The following ZNF317 variants were observed in gnomAD, a reference collection of about 807,000 sequenced individuals.
The protein encoded by ZNF317 is KRAB-containing zinc finger protein 317.
A neutral mutation model predicts 23.4 loss-of-function variants in ZNF317; 17 were observed. That is an observed-to-expected ratio of 0.73 (90% CI 0.50 to 1.09). ZNF317 has a LOEUF of 1.09. Ranked by LOEUF, ZNF317 falls within the 50% of genes least tolerant of loss-of-function variation. The pLI, the probability that ZNF317 is intolerant of heterozygous loss-of-function variation, is 0.00. For synonymous variants in ZNF317, 317 were observed against 314.9 expected, an observed-to-expected ratio of 1.01 and a Z score of -0.07; for missense variants, 679 against 796.7, an observed-to-expected ratio of 0.85 and a Z score of 1.78.
Position 9,160,047 on chromosome 19 carries a change from G to C in ZNF317, c.469-67G>C, listed in dbSNP as rs2050829449. The C allele has an allele frequency of 6.3e-7, 1 of 1,593,038 alleles. No homozygotes were observed. The highest frequency in any genetic ancestry group is 8.6e-7 in the Non-Finnish European group (1 of 1,168,160). The stretch of plus-strand genomic sequence containing the variant: ...TATCTGTTCATAGCAGTGTATGTGG[G>C]GATGACGCTTAGGGTTGCAATGAAT... On this transcript the variant is annotated intron_variant, in intron 6 of 6. Coordinates refer to ENST00000247956, the MANE Select transcript of ZNF317 (RefSeq NM_020933.5). The surrounding 1 kb of genome is among the most constrained non-coding windows in gnomAD (Gnocchi z 6.8).
chr19:9,141,335 C>T (rs928030022), intron 1 of ZNF317, among the ~76,000 whole-genome samples: 3 of 152,104 alleles, frequency 2.0e-5, no homozygotes, highest in Non-Finnish European at 4.4e-5. Flanking sequence ...ATTTACAAAC[C>T]AGGCCAAGAA....
At chr19:9,150,327 G>C (rs186743409) in intron 1 of ZNF317, among the ~76,000 whole-genome samples, 10 of 152,324 alleles carry the variant, frequency 6.6e-5, no homozygotes, top group Non-Finnish European at 1.3e-4. Flanking sequence ...TTTGTTTACT[G>C]AGCCTATAGA....
In ZNF317 at chr19:9,160,626, G is replaced by C. The variant is rs780252470; in HGVS notation, c.981G>C (p.Thr327=). ...RSCHLIAHKR[T]HTGERPYECH... ...GCCACCTCATCGCACACAAGAGAACGCACACCGGAGAGAGGCCCTACGAGT... is the reference window on the plus strand; with the variant it reads ...GCCACCTCATCGCACACAAGAGAACCCACACCGGAGAGAGGCCCTACGAGT... Residue 327 remains threonine (T), a synonymous_variant, in exon 7 of 7, where the codon ACG becomes ACC. Transcript: ENST00000247956. This position sits in a 1 kb window ranked among gnomAD's most constrained non-coding sequence, Gnocchi z 6.8. 12 of 1,613,608 alleles carry C rather than the reference G, an allele frequency of 7.4e-6. No homozygotes were observed. Among genetic ancestry groups the C allele is most frequent in the Non-Finnish European group, 1.0e-5 (12 of 1,179,954 alleles).
intron 1 of ZNF317, among the ~76,000 whole-genome samples, chr19:9,149,397 G>A (rs755421990): frequency 1.3e-4 from 20 of 151,956 alleles, no homozygotes; most frequent in South Asian, 2.1e-4. Flanking sequence ...ACTTGAACCC[G>A]GGAGGCGCAG....
At position 9,158,073 on chromosome 19, in the gene ZNF317, C is replaced by A. The variant is rs1296521183; in HGVS notation, c.383C>A (p.Ala128Glu). Reference protein sequence around the residue: ...EERGAHQGACADWETPSKTKW... With the variant: ...EERGAHQGACEDWETPSKTKW... ...AGGGGCGCTCACCAGGGCGCTTGTG[C>A]AGGTGAGCGAGCCCCAGGCAAAGAG... Residue 128 changes from alanine to glutamate, a missense_variant and splice_region_variant, in exon 5 of 7, where the codon GCA (alanine) becomes GAA (glutamate). Coordinates refer to ENST00000247956, the MANE Select transcript of ZNF317 (RefSeq NM_020933.5). The A allele has an allele frequency of 6.5e-7, 1 of 1,549,948 alleles. No individual in the cohort carries two copies.
chr19:9,153,868 G>C (rs1436600374), intron 1 of ZNF317, among the ~76,000 whole-genome samples: 4 of 152,172 alleles, frequency 2.6e-5, no homozygotes. Flanking sequence ...GATGGTAGTG[G>C]ATGCTGGGTG....
rs918779769 is a variant in ZNF317 at position 9,144,024 on chromosome 19, C to T, written c.-93+3432C>T. ...CTTTCTTTCTTTCTTTTTTTTGAGA[C>T]GGAGTTTCACTCTTTTTGCCCAGGC... On this transcript the variant is annotated intron_variant, in intron 1 of 6. Coordinates refer to ENST00000247956, the MANE Select transcript of ZNF317 (RefSeq NM_020933.5). Among the ~76,000 whole-genome samples, 38 of 144,022 alleles carry T rather than the reference C, an allele frequency of 2.6e-4. 1 individual carries two copies. The highest frequency in any genetic ancestry group is 1.1e-3 in the Admixed American group (16 of 13,964). The allele number at this position is 144,022 out of a possible 152,430, so 94.5% of individuals were successfully genotyped here.
At position 9,158,363 on chromosome 19, in the gene ZNF317, C is replaced by CTTTTTTTTTTTTTTTTTTT. The variant is rs200591339; in HGVS notation, c.385+298_385+316dup. Reference sequence around the variant, plus strand: ...CTGAATTGCCTTAAATTTCTTTTTTCTTTTTTTTTTTTTTTTTTTTTTTTT... The same window carrying CTTTTTTTTTTTTTTTTTTT: ...CTGAATTGCCTTAAATTTCTTTTTTCTTTTTTTTTTTTTTTTTTTTTTTTTTTTTTTTTTTTTTTTTTTT... On this transcript the variant is annotated intron_variant, in intron 5 of 6. Coordinates refer to ENST00000247956, the MANE Select transcript of ZNF317 (RefSeq NM_020933.5). Among the ~76,000 whole-genome samples the CTTTTTTTTTTTTTTTTTTT allele has an allele frequency of 3.5e-3, 267 of 76,534 alleles. 72 individuals are homozygous for CTTTTTTTTTTTTTTTTTTT. Among genetic ancestry groups the CTTTTTTTTTTTTTTTTTTT allele is most frequent in the African/African-American group, 0.011 (176 of 15,674 alleles). 50.2% of individuals were successfully genotyped at this position (76,534 alleles called of 152,430 possible).
intron 1 of ZNF317, among the ~76,000 whole-genome samples, chr19:9,153,424 A>G (rs1344078122): frequency 2.0e-5 from 3 of 152,120 alleles, no homozygotes; most frequent in Admixed American, 2.0e-4. Flanking sequence ...TGGTCTCCCA[A>G]AGTGCTGGGA....
In ZNF317 at chr19:9,161,259, C is replaced by T; in HGVS notation, c.1614C>T (p.Ala538=). The T allele has an allele frequency of 6.2e-7, 1 of 1,613,818 alleles. No individual in the cohort carries two copies. The highest frequency in any genetic ancestry group is 8.5e-7 in the Non-Finnish European group (1 of 1,179,780). The part of the protein sequence containing the change: ...KPYECDHCGK[A]FSIGSNLNVH... ...ACGAATGCGATCACTGTGGGAAGGC[C>T]TTCAGCATAGGCTCCAACCTGAATG... Residue 538 remains alanine, a synonymous_variant, in exon 7 of 7, where the codon GCC becomes GCT. Coordinates refer to ENST00000247956, the MANE Select transcript of ZNF317 (RefSeq NM_020933.5). This position sits in a 1 kb window ranked among gnomAD's most constrained non-coding sequence, Gnocchi z 4.0.
intron 1 of ZNF317, among the ~76,000 whole-genome samples, chr19:9,153,148 T>TTTTTTTG (rs1435101178): frequency 1.4e-5 from 2 of 143,992 alleles, no homozygotes; most frequent in African/African-American, 5.0e-5. Context: ...AGGTAGTTGT[T>TTTTTTTG]TTTGTTTGTT....
intron 1 of ZNF317, among the ~76,000 whole-genome samples, chr19:9,140,986 T>C (rs1191739395): frequency 6.6e-6 from 1 of 152,200 alleles, no homozygotes; most frequent in Non-Finnish European, 1.5e-5. Context: ...GTCAGCACAT[T>C]GGTGTTCTTA....
In ZNF317 at chr19:9,160,347, C is replaced by T. The variant is rs776283077; in HGVS notation, c.702C>T (p.Ser234=). 2.4e-5 allele frequency: 39 copies of T among 1,614,034 alleles called. No individual in the cohort carries two copies. In the South Asian group the frequency reaches 3.6e-4, roughly 15 times the overall value. Residue 234 remains serine (S), a synonymous_variant, in exon 7 of 7, where the codon AGC becomes AGT. Transcript: ENST00000247956. The surrounding 1 kb of genome is among the most constrained non-coding windows in gnomAD (Gnocchi z 6.8). Reference sequence around the variant, plus strand: ...AGTGCCAAAAAGCCTTCACCACGAGCGCGTCCCTCACACGGCACAGGAGAA... The same window carrying T: ...AGTGCCAAAAAGCCTTCACCACGAGTGCGTCCCTCACACGGCACAGGAGAA... The part of the protein sequence containing the change: ...CHQCQKAFTT[S]ASLTRHRRIH...
intron 1 of ZNF317, among the ~76,000 whole-genome samples, chr19:9,145,539 C>T (rs567028676): frequency 1.3e-5 from 2 of 152,194 alleles, no homozygotes; most frequent in Non-Finnish European, 2.9e-5. Flanking sequence ...GTCTTTTTCT[C>T]CTCTGGCTGC....
At chr19:9,149,244 C>G (rs1176785808) in intron 1 of ZNF317, among the ~76,000 whole-genome samples, 1 of 152,048 alleles carries the variant, frequency 6.6e-6, no homozygotes, top group South Asian at 2.1e-4. Context: ...GTGGCCAAGG[C>G]GGGTGGATCA....
intron 3 of ZNF317, 96 bp downstream of exon 3, chr19:9,156,844 C>T: frequency 1.4e-6 from 2 of 1,436,060 alleles, no homozygotes; most frequent in Non-Finnish European, 1.9e-6. Context: ...TCATCTCAGC[C>T]AGTGGATGCC....
intron 6 of ZNF317, 117 bp downstream of exon 6, chr19:9,159,025 T>G (rs2050819035): frequency 1.4e-6 from 1 of 690,880 alleles, no homozygotes; most frequent in African/African-American, 1.8e-5. Context: ...GAGGAGACTG[T>G]GTTTCAGAGA....
At chr19:9,156,298 A>T (rs2050782053) in intron 2 of ZNF317, among the ~76,000 whole-genome samples, 1 of 152,022 alleles carries the variant, frequency 6.6e-6, no homozygotes, top group Non-Finnish European at 1.5e-5. Flanking sequence ...GAGTTATCTC[A>T]TTTATTATTT....
chr19:9,157,167 C>G, intron 3 of ZNF317, 101 bp from the exon 4 acceptor site: 1 of 1,458,888 alleles, frequency 6.9e-7, no homozygotes, highest in Non-Finnish European at 9.3e-7. Flanking sequence ...TCTGGAAATC[C>G]TGTGTTGGGT....
Sources: gnomAD v4.1 joint callset for allele counts (sites outside exome capture counted in the v4.1 genomes callset) on GRCh38, gnomAD v4.1.1 for gene constraint, Gnocchi (gnomAD v3.1) non-coding constraint, MANE v1.5 for transcripts, NCBI Gene and HGNC (gene_info 2026-07-23, HGNC 2026-07-21) for gene names.